BACE2: variants seen among roughly 807,000 people sequenced by gnomAD.
BACE2 encodes the protein beta-secretase 2, also known as 56 kDa aspartic-like protease.
In BACE2, 17 loss-of-function variants were observed where a neutral mutation model predicts 46.2. The observed-to-expected ratio is 0.37, with a 90% confidence interval of 0.25 to 0.55. The LOEUF (loss-of-function observed/expected upper bound fraction) is 0.55, where lower values mean the gene tolerates loss of function less well. Among genes scored for constraint, BACE2 ranks in the 20% least tolerant of loss-of-function variants. BACE2 has a pLI of 0.82. For synonymous variants in BACE2, 277 were observed against 295.9 expected, an observed-to-expected ratio of 0.94 and a Z score of 0.66; for missense variants, 595 against 698.1, an observed-to-expected ratio of 0.85 and a Z score of 1.66.
chr21:41,235,556 G>C (rs923080865), intron 2 of BACE2, among the ~76,000 whole-genome samples: 4 of 152,240 alleles, frequency 2.6e-5, no homozygotes, highest in Non-Finnish European at 5.9e-5. Context: ...TGAATAAAAG[G>C]CCAGATAGGG....
At chr21:41,272,758 C>A (rs564940605) in intron 8 of BACE2, among the ~76,000 whole-genome samples, 7 of 152,182 alleles carry the variant, frequency 4.6e-5, no homozygotes, top group African/African-American at 1.7e-4. Flanking sequence ...ATCATCTGTG[C>A]CATTTCTTAC....
intron 1 of BACE2, chr21:41,179,950 A>G: frequency 2.8e-6 from 1 of 361,490 alleles, no homozygotes; most frequent in Non-Finnish European, 5.6e-6. Flanking sequence ...TTGCCCAGGA[A>G]GGAACTCAAG....
chr21:41,182,149 C>T (rs767191602), intron 1 of BACE2: 3 of 167,070 alleles, frequency 1.8e-5, no homozygotes, highest in East Asian at 1.9e-4. Flanking sequence ...CATTACATTA[C>T]CTCTTCTGGC....
intron 1 of BACE2, among the ~76,000 whole-genome samples, chr21:41,192,626 C>T (rs1363308175): frequency 6.6e-6 from 1 of 152,192 alleles, no homozygotes; most frequent in African/African-American, 2.4e-5. Context: ...TGGAGGCCTG[C>T]CAACAGCTCC....
chr21:41,178,801 C>T, intron 1 of BACE2: 1 of 223,786 alleles, frequency 4.5e-6, no homozygotes, highest in African/African-American at 2.3e-5. Flanking sequence ...CAACAGTCAA[C>T]TAGACAGAGA....
intron 6 of BACE2, among the ~76,000 whole-genome samples, chr21:41,250,033 C>CG (rs1475315231): frequency 6.6e-6 from 1 of 152,130 alleles, no homozygotes; most frequent in Admixed American, 6.5e-5. Flanking sequence ...AGGGCTGCAG[C>CG]GGGGGCCAGG....
chr21:41,250,068 C>T (rs956299663), intron 6 of BACE2, among the ~76,000 whole-genome samples: 1 of 152,186 alleles, frequency 6.6e-6, no homozygotes, highest in Non-Finnish European at 1.5e-5. Context: ...CCTGAGAAGA[C>T]TTGGATTCTA....
In BACE2 at chr21:41,272,094, G is replaced by A. The variant is rs558716030; in HGVS notation, c.1304-3277G>A. ...TATTTTTGCTGGGTATAGAGTTCTC[G>A]GTTGACAGGGCTTCTTCTACCCCCA... On this transcript the variant is annotated intron_variant, in intron 8 of 8. Coordinates refer to ENST00000330333, the MANE Select transcript of BACE2 (RefSeq NM_012105.5). Among the ~76,000 whole-genome samples the A allele has an allele frequency of 1.3e-4, 19 of 151,674 alleles. No individual in the cohort carries two copies. In the East Asian group the frequency reaches 1.4e-3, roughly 11 times the overall value.
At chr21:41,205,054 A>G (rs1986083477) in intron 1 of BACE2, among the ~76,000 whole-genome samples, 1 of 152,212 alleles carries the variant, frequency 6.6e-6, no homozygotes, top group African/African-American at 2.4e-5. Flanking sequence ...AGCAAATTGA[A>G]CACAATGGTT....
At chr21:41,185,677 G>A (rs936298816) in intron 1 of BACE2, among the ~76,000 whole-genome samples, 5 of 152,214 alleles carry the variant, frequency 3.3e-5, no homozygotes, top group African/African-American at 1.2e-4. Context: ...TCTGGAGGGT[G>A]GCCTATAATA....
intron 7 of BACE2, among the ~76,000 whole-genome samples, chr21:41,254,779 T>C (rs2837996): frequency 0.71 from 107,341 of 152,174 alleles, 38,316 homozygotes; most frequent in East Asian, 0.92. Flanking sequence ...CCCTCCTGAA[T>C]AGCAGAACTG....
chr21:41,220,298 G>GT (rs1986604158), intron 1 of BACE2, among the ~76,000 whole-genome samples: 1 of 152,096 alleles, frequency 6.6e-6, no homozygotes, highest in African/African-American at 2.4e-5. Flanking sequence ...TGGAAGCTTC[G>GT]TTATGTAGAC....
In BACE2 at chr21:41,257,135, G is replaced by A. The variant is rs748536347; in HGVS notation, c.1135-23G>A. Reference sequence around the variant, plus strand: ...GATTTGTGCTTTTTCTTGTTTGTTTGCTCTCTCCTCTCCGACAAACAGCTT... The same window carrying A: ...GATTTGTGCTTTTTCTTGTTTGTTTACTCTCTCCTCTCCGACAAACAGCTT... On this transcript the variant is annotated intron_variant, in intron 7 of 8. Coordinates refer to ENST00000330333, the MANE Select transcript of BACE2 (RefSeq NM_012105.5). 4 of 1,613,692 alleles carry A rather than the reference G, an allele frequency of 2.5e-6. No individual in the cohort carries two copies. In the African/African-American group the frequency reaches 4.0e-5, roughly 16 times the overall value.
rs11445761 is a variant in BACE2, at chr21:41,260,073, A to AC, written c.1303+2753dup. 4.0e-3 allele frequency among the ~76,000 whole-genome samples: 562 copies of AC among 140,398 alleles called. 6 individuals carry two copies. Among genetic ancestry groups the AC allele is most frequent in the African/African-American group, 0.014 (521 of 37,702 alleles). 92.1% of individuals were successfully genotyped at this position (140,398 alleles called of 152,430 possible). A position where few individuals can be genotyped will look rare whatever the true frequency, so the allele number is the denominator to read the frequency against. On this transcript the variant is annotated intron_variant, in intron 8 of 8. Transcript: ENST00000330333. ...TCCACCTCCCAGGCTCAAGTGATTG[A>AC]CCCCCCGGCCCCGCCGTGGCCTCCC...
At chr21:41,184,473 G>C (rs1414724435) in intron 1 of BACE2, 3 of 166,950 alleles carry the variant, frequency 1.8e-5, no homozygotes, top group Non-Finnish European at 4.4e-5. Context: ...CCTTTTATAA[G>C]GTCTAATTAG....
intron 1 of BACE2, among the ~76,000 whole-genome samples, chr21:41,199,021 CT>C (rs1268506038): frequency 2.4e-5 from 3 of 123,146 alleles, no homozygotes; most frequent in Admixed American, 1.7e-4. Context: ...TCCCTCCCCC[CT>C]CCCCCCACCC....
chr21:41,227,628 G>T (rs1163021361), intron 2 of BACE2, among the ~76,000 whole-genome samples: 1 of 152,178 alleles, frequency 6.6e-6, no homozygotes, highest in Non-Finnish European at 1.5e-5. Context: ...GGCTGTGGTG[G>T]CCAGTGCTCT....
At position 41,279,302 on chromosome 21, in the gene BACE2, A is replaced by C. The variant is rs1297374321; in HGVS notation, c.*3678A>C. ...AATAAGCAGTACATATTTTTTTAGA[A>C]AATGCAGTTTAGGCCAGGCACGGTA... On this transcript the variant is annotated 3_prime_UTR_variant, in exon 9 of 9. Transcript: ENST00000330333. 1 of 152,174 alleles carries C rather than the reference A, an allele frequency of 6.6e-6. No homozygotes were observed. The allele number at this position is 152,174 out of a possible 1,614,324, so 9.4% of individuals were successfully genotyped here.
intron 1 of BACE2, among the ~76,000 whole-genome samples, chr21:41,192,478 A>G (rs950721858): frequency 3.3e-5 from 5 of 152,184 alleles, no homozygotes; most frequent in Non-Finnish European, 5.9e-5. Flanking sequence ...TTCAGGTCGC[A>G]TGGTGACTTG....
Sources: allele counts gnomAD v4.1 joint callset (sites outside exome capture counted in the v4.1 genomes callset), GRCh38; gene constraint gnomAD v4.1.1; transcripts MANE v1.5; gene names NCBI Gene and HGNC (gene_info 2026-07-23, HGNC 2026-07-21).